SAXO1: variants seen among roughly 807,000 people sequenced by gnomAD.
The protein encoded by SAXO1 is stabilizer of axonemal microtubules 1.
A neutral mutation model predicts 17.5 loss-of-function variants in SAXO1; 21 were observed. The ratio of observed to expected loss-of-function variants is 1.20; its 90% CI spans 0.85 to 1.72. The LOEUF is 1.72. Ranked by LOEUF, SAXO1 falls within the 40% of genes most tolerant of loss-of-function variation. The pLI is 0.00. For synonymous variants in SAXO1, 274 were observed against 216.5 expected, an observed-to-expected ratio of 1.27 and a Z score of -2.33; for missense variants, 843 against 596.0, an observed-to-expected ratio of 1.41 and a Z score of -4.32.
At chr9:19,009,019 T>G (rs1199512682) in intron 1 of SAXO1, among the ~76,000 whole-genome samples, 4 of 152,208 alleles carry the variant, frequency 2.6e-5, no homozygotes, top group African/African-American at 9.7e-5. Context: ...TGCAGCAAAC[T>G]ATTATTTCCA....
intron 1 of SAXO1, among the ~76,000 whole-genome samples, chr9:18,969,432 G>T (rs539080633): frequency 6.6e-6 from 1 of 152,256 alleles, no homozygotes; most frequent in East Asian, 1.9e-4. Context: ...ATATTTCCAA[G>T]GCTCTCTTCC....
At chr9:18,990,926 T>C (rs1833787921) in intron 1 of SAXO1, among the ~76,000 whole-genome samples, 1 of 152,218 alleles carries the variant, frequency 6.6e-6, no homozygotes, top group East Asian at 1.9e-4. Flanking sequence ...CAGTGAGTTG[T>C]ATAATTATTA....
intron 3 of SAXO1, among the ~76,000 whole-genome samples, chr9:18,929,932 C>T (rs979030666): frequency 6.6e-6 from 1 of 152,210 alleles, no homozygotes; most frequent in African/African-American, 2.4e-5. Context: ...TCTTTCCATA[C>T]ATGATCTTGT....
intron 1 of SAXO1, among the ~76,000 whole-genome samples, chr9:19,000,534 C>G (rs993802271): frequency 6.7e-6 from 1 of 149,522 alleles, no homozygotes; most frequent in Non-Finnish European, 1.5e-5. Flanking sequence ...CAGCTGCCCC[C>G]CTCTAGGAAA....
intron 3 of SAXO1, among the ~76,000 whole-genome samples, chr9:18,932,447 G>A (rs942749563): frequency 6.6e-6 from 1 of 152,160 alleles, no homozygotes; most frequent in African/African-American, 2.4e-5. Flanking sequence ...ATAAAGTTTT[G>A]TAATCAGGAA....
chr9:18,945,221 G>T (rs1344467576), intron 2 of SAXO1, among the ~76,000 whole-genome samples: 2 of 152,112 alleles, frequency 1.3e-5, no homozygotes, highest in East Asian at 1.9e-4. Context: ...CCACCCATCA[G>T]ATCTGATTCC....
intron 1 of SAXO1, among the ~76,000 whole-genome samples, chr9:19,000,789 T>A (rs981501806): frequency 1.3e-5 from 2 of 152,242 alleles, no homozygotes; most frequent in African/African-American, 4.8e-5. Context: ...GTTGCAATCC[T>A]GGTCTCTGAT....
intron 1 of SAXO1, among the ~76,000 whole-genome samples, chr9:18,963,523 G>T (rs571156265): frequency 6.6e-6 from 1 of 152,106 alleles, no homozygotes; most frequent in African/African-American, 2.4e-5. Context: ...CATATCCTTT[G>T]TAAGTTGTAT....
intron 1 of SAXO1, among the ~76,000 whole-genome samples, chr9:19,047,784 A>T (rs1358484190): frequency 1.3e-5 from 2 of 152,222 alleles, no homozygotes; most frequent in African/African-American, 4.8e-5. Context: ...ATCTCTTGAA[A>T]TTTTTACTCT....
intron 1 of SAXO1, among the ~76,000 whole-genome samples, chr9:19,016,850 C>T (rs1220590032): frequency 7.7e-5 from 7 of 91,202 alleles, no homozygotes; most frequent in Non-Finnish European, 1.1e-4. Flanking sequence ...AGATACCTTT[C>T]GTTTGATGAA....
At chr9:19,017,471 T>G (rs546566731) in intron 1 of SAXO1, among the ~76,000 whole-genome samples, 117 of 152,350 alleles carry the variant, frequency 7.7e-4, no homozygotes, top group Middle Eastern at 3.4e-3. Context: ...CACCAGAGCA[T>G]GGCCAGTGAC....
Position 18,998,138 on chromosome 9 carries a change from T to G in SAXO1, c.38+34733A>C, listed in dbSNP as rs139840131. Among the ~76,000 whole-genome samples the G allele has an allele frequency of 4.3e-3, 650 of 152,190 alleles. 7 individuals carry two copies. Among genetic ancestry groups the G allele is most frequent in the African/African-American group, 0.015 (615 of 41,530 alleles). ...TTTGACAAGTTGACAAAAGTAGGCT[T>G]CAGAAGGTTGGTAATAACAAACTTC... is the stretch of plus-strand genomic sequence containing the variant. On this transcript the variant is annotated intron_variant, in intron 1 of 3. Transcript: ENST00000380534.
At chr9:19,024,617 G>A (rs1835398132) in intron 1 of SAXO1, among the ~76,000 whole-genome samples, 3 of 151,942 alleles carry the variant, frequency 2.0e-5, no homozygotes, top group South Asian at 2.1e-4. Flanking sequence ...AAAAAAAAGT[G>A]GCAGAGCCAG....
chr9:18,986,916 T>C (rs10963892), intron 1 of SAXO1, among the ~76,000 whole-genome samples: 2 of 152,198 alleles, frequency 1.3e-5, no homozygotes, highest in Non-Finnish European at 2.9e-5. Flanking sequence ...TAAAATGTAT[T>C]GAGGAAGGGG....
intron 1 of SAXO1, chr9:19,027,155 AGAG>A (rs1835513231): frequency 8.8e-7 from 1 of 1,142,032 alleles, no homozygotes; most frequent in Admixed American, 1.7e-5. Flanking sequence ...CCAATGATCA[AGAG>A]GAGGATGGTC....
At chr9:19,021,088 A>G (rs910054837) in intron 1 of SAXO1, among the ~76,000 whole-genome samples, 3 of 152,196 alleles carry the variant, frequency 2.0e-5, no homozygotes, top group Non-Finnish European at 4.4e-5. Context: ...AGTTTGTTCT[A>G]TGTGACCTCA....
chr9:19,026,846 T>G lies in SAXO1; in HGVS notation c.38+6025A>C, dbSNP rs544403964. On this transcript the variant is annotated intron_variant, in intron 1 of 3. Coordinates refer to ENST00000380534, the MANE Select transcript of SAXO1 (RefSeq NM_153707.4). Reference sequence around the variant, plus strand: ...GAGTTCAAGACCAGCCTGGCCAACATGGTGAAACCCCATCTCTACTAAAAA... The same window carrying G: ...GAGTTCAAGACCAGCCTGGCCAACAGGGTGAAACCCCATCTCTACTAAAAA... The G allele has an allele frequency of 6.5e-6, 4 of 612,478 alleles. No individual in the cohort carries two copies. In the African/African-American group the frequency reaches 7.3e-5, roughly 11 times the overall value. The allele number at this position is 612,478 out of a possible 1,614,324, so 37.9% of individuals were successfully genotyped here.
intron 1 of SAXO1, among the ~76,000 whole-genome samples, chr9:18,957,834 T>C (rs1403620970): frequency 6.6e-6 from 1 of 152,210 alleles, no homozygotes; most frequent in African/African-American, 2.4e-5. Context: ...CCCACACTTT[T>C]CCTAAAGTGC....
intron 1 of SAXO1, among the ~76,000 whole-genome samples, chr9:18,957,732 C>T (rs1413894263): frequency 1.3e-5 from 2 of 152,124 alleles, no homozygotes; most frequent in African/African-American, 4.8e-5. Flanking sequence ...ATACTACAGG[C>T]AAGGCCTTCT....
Sources: gnomAD v4.1 joint callset for allele counts (sites outside exome capture counted in the v4.1 genomes callset) on GRCh38, gnomAD v4.1.1 for gene constraint, MANE v1.5 for transcripts, NCBI Gene and HGNC (gene_info 2026-07-23, HGNC 2026-07-21) for gene names.